The following SLAIN2 variants were observed in gnomAD, a reference collection of about 807,000 sequenced individuals.
The protein encoded by SLAIN2 is SLAIN family member 2.
In SLAIN2, 31 loss-of-function variants were observed where a neutral mutation model predicts 56.6. That is an observed-to-expected ratio of 0.55 (90% confidence interval 0.41 to 0.74). The LOEUF (loss-of-function observed/expected upper bound fraction) is 0.74. SLAIN2 is among the 30% of genes least tolerant of loss of function. The pLI, the probability that SLAIN2 is intolerant of heterozygous loss-of-function variation, is 0.00. For synonymous variants in SLAIN2, 317 were observed against 284.9 expected, an observed-to-expected ratio of 1.11 and a Z score of -1.13; for missense variants, 777 against 754.2, an observed-to-expected ratio of 1.03 and a Z score of -0.35.
intron 1 of SLAIN2, among the ~76,000 whole-genome samples, chr4:48,352,628 A>G (rs1160071708): frequency 6.6e-6 from 1 of 152,228 alleles, no homozygotes; most frequent in Admixed American, 6.5e-5. Flanking sequence ...AGATGTTGCC[A>G]GGTGTCCCTT....
In SLAIN2 at chr4:48,356,005, C is replaced by T. The variant is rs548146800; in HGVS notation, c.390-13844C>T. On this transcript the variant is annotated intron_variant, in intron 1 of 7. Transcript: ENST00000264313. ...GGGTTCGAACTTTATGTTTCTGTAT[C>T]TTTTCCAAGATAATTTATTTGTAGA... Among the ~76,000 whole-genome samples the T allele has an allele frequency of 1.6e-3, 246 of 152,044 alleles. 2 individuals are homozygous for T. The highest frequency in any genetic ancestry group is 5.3e-3 in the African/African-American group (219 of 41,498).
chr4:48,384,230 C>A (rs1466145365), intron 6 of SLAIN2, among the ~76,000 whole-genome samples: 1 of 152,004 alleles, frequency 6.6e-6, no homozygotes, highest in African/African-American at 2.4e-5. Flanking sequence ...CAAAATAATC[C>A]ATTGTTCAAA....
Position 48,420,034 on chromosome 4 carries a change from C to G in SLAIN2, c.1361-91C>G, listed in dbSNP as rs1016469499. On this transcript the variant is annotated intron_variant, in intron 6 of 7. Transcript: ENST00000264313. ...GTGAAGTTTCCTGAATACACATGTA[C>G]TAGTGCCCAATCATCAGTTGTAATT... The G allele has an allele frequency of 8.7e-6, 11 of 1,258,394 alleles. No homozygotes were observed. The African/African-American group carries it at 1.0e-4, about 12-fold the overall frequency. 78.0% of individuals were successfully genotyped at this position (1,258,394 alleles called of 1,614,324 possible).
intron 6 of SLAIN2, among the ~76,000 whole-genome samples, chr4:48,391,413 A>G (rs1477738682): frequency 1.3e-5 from 2 of 152,230 alleles, no homozygotes; most frequent in Non-Finnish European, 2.9e-5. Context: ...TAAAGCTTAC[A>G]TGTGTGTTAT....
intron 6 of SLAIN2, among the ~76,000 whole-genome samples, chr4:48,408,079 A>G (rs1477118423): frequency 3.3e-5 from 5 of 152,140 alleles, no homozygotes; most frequent in African/African-American, 4.8e-5. Context: ...GCTCATGCCT[A>G]TAATGCCAGC....
intron 6 of SLAIN2, among the ~76,000 whole-genome samples, chr4:48,406,187 G>C (rs1458611180): frequency 6.6e-6 from 1 of 152,144 alleles, no homozygotes; most frequent in Non-Finnish European, 1.5e-5. Flanking sequence ...GTAGGCAATG[G>C]TATTTCAAGA....
chr4:48,394,766 T>A (rs1716335571), intron 6 of SLAIN2: 5 of 708,320 alleles, frequency 7.1e-6, no homozygotes, highest in Non-Finnish European at 1.1e-5. Flanking sequence ...AGTCTTATTT[T>A]AAAGAATAAT....
intron 7 of SLAIN2, 75 bp from the exon 8 acceptor site, chr4:48,421,936 A>G (rs545630093): frequency 9.3e-6 from 11 of 1,180,680 alleles, no homozygotes; most frequent in Admixed American, 6.0e-5. Flanking sequence ...AGTAATTAAT[A>G]TATGTGTGAG....
intron 6 of SLAIN2, among the ~76,000 whole-genome samples, chr4:48,413,946 A>C (rs1716931931): frequency 6.6e-6 from 1 of 152,166 alleles, no homozygotes; most frequent in Admixed American, 6.5e-5. Flanking sequence ...TTTTAGGGTT[A>C]AGTGCATGCC....
At chr4:48,397,750 G>A (rs1716439898) in intron 6 of SLAIN2, among the ~76,000 whole-genome samples, 1 of 152,154 alleles carries the variant, frequency 6.6e-6, no homozygotes, top group African/African-American at 2.4e-5. Flanking sequence ...GTGAGAACAT[G>A]GGGTGTTTGG....
chr4:48,342,711 C>CTTTTT (rs761272695), intron 1 of SLAIN2, among the ~76,000 whole-genome samples: 10,650 of 65,648 alleles, frequency 0.16, 2,380 homozygotes, highest in Middle Eastern at 0.28. Flanking sequence ...GATGGTGCTG[C>CTTTTT]TTTTTTTTTT....
intron 2 of SLAIN2, among the ~76,000 whole-genome samples, chr4:48,372,583 G>A (rs1321002633): frequency 2.0e-5 from 3 of 152,118 alleles, no homozygotes; most frequent in Non-Finnish European, 4.4e-5. Flanking sequence ...CCTGGACTTG[G>A]GTAAAAGTAA....
chr4:48,353,236 C>T (rs933436996), intron 1 of SLAIN2, among the ~76,000 whole-genome samples: 1 of 152,060 alleles, frequency 6.6e-6, no homozygotes, highest in Admixed American at 6.6e-5. Context: ...GAGCACTAAC[C>T]AGATGAGATG....
Position 48,422,754 on chromosome 4 carries a change from G to A in SLAIN2, c.*677G>A, listed in dbSNP as rs1480972175. On this transcript the variant is annotated 3_prime_UTR_variant, in exon 8 of 8. Transcript: ENST00000264313. ...GTCACCACCACCAGATAGTGTTACA[G>A]CATGTATCCATCATGTTGCATTGAC... 6.6e-6 allele frequency: 1 copy of A among 152,200 alleles called. No homozygotes were observed. The highest frequency in any genetic ancestry group is 1.9e-4 in the East Asian group (1 of 5,198). 9.4% of individuals were successfully genotyped at this position (152,200 alleles called of 1,614,324 possible).
rs575673639 is a variant in SLAIN2, at chr4:48,393,791, A to T, written c.1360+10007A>T. Among the ~76,000 whole-genome samples the T allele has an allele frequency of 2.0e-5, 3 of 152,206 alleles. No individual in the cohort carries two copies. The South Asian group carries it at 6.2e-4, about 32-fold the overall frequency. On this transcript the variant is annotated intron_variant, in intron 6 of 7. Coordinates refer to ENST00000264313, the MANE Select transcript of SLAIN2 (RefSeq NM_020846.2). Reference sequence around the variant, plus strand: ...AGCCATAGTAACTGTATATTGGGGAAATTGGAACCACTTTTATCTTGGATG... The same window carrying T: ...AGCCATAGTAACTGTATATTGGGGATATTGGAACCACTTTTATCTTGGATG...
In SLAIN2 at chr4:48,383,518, C is replaced by A. The variant is rs767827931; in HGVS notation, c.1223-129C>A. On this transcript the variant is annotated intron_variant, in intron 5 of 7. Coordinates refer to ENST00000264313, the MANE Select transcript of SLAIN2 (RefSeq NM_020846.2). ...GTTTGTTTTTTTTAATAAGACAAGTCCTTTGTATTTTCTCATCTAAAATAA... is the reference window on the plus strand; with the variant it reads ...GTTTGTTTTTTTTAATAAGACAAGTACTTTGTATTTTCTCATCTAAAATAA... The A allele has an allele frequency of 2.1e-4, 181 of 855,090 alleles. 1 individual carries two copies. Among genetic ancestry groups the A allele is most frequent in the Non-Finnish European group, 2.6e-4 (153 of 592,976 alleles). 53.0% of individuals were successfully genotyped at this position (855,090 alleles called of 1,614,324 possible).
intron 1 of SLAIN2, among the ~76,000 whole-genome samples, chr4:48,343,231 C>T (rs1257933186): frequency 6.6e-6 from 1 of 152,142 alleles, no homozygotes; most frequent in Non-Finnish European, 1.5e-5. Context: ...GCAGTATGAC[C>T]TTGAGCAAGT....
intron 6 of SLAIN2, among the ~76,000 whole-genome samples, chr4:48,400,611 A>G (rs1410187070): frequency 6.6e-6 from 1 of 151,906 alleles, no homozygotes; most frequent in African/African-American, 2.4e-5. Flanking sequence ...TATGTTGGCC[A>G]CACTTGTCTT....
At chr4:48,348,001 A>G (rs1714913412) in intron 1 of SLAIN2, among the ~76,000 whole-genome samples, 1 of 152,250 alleles carries the variant, frequency 6.6e-6, no homozygotes, top group African/African-American at 2.4e-5. Context: ...ATAAAGTGAA[A>G]TTGAGATTGA....
Sources: allele counts gnomAD v4.1 joint callset (sites outside exome capture counted in the v4.1 genomes callset), GRCh38; gene constraint gnomAD v4.1.1; transcripts MANE v1.5; gene names NCBI Gene and HGNC (gene_info 2026-07-23, HGNC 2026-07-21).